Variants in KLF15 observed in about 807,000 individuals in gnomAD.
KLF15 encodes the protein KLF transcription factor 15, also known as Krueppel-like factor 15.
A neutral mutation model predicts 24.6 loss-of-function variants in KLF15; 4 were observed. That is an observed-to-expected ratio of 0.16 (90% confidence interval 0.08 to 0.37). The LOEUF is 0.37. KLF15 is among the 10% of genes least tolerant of loss of function. The pLI, the probability that KLF15 is intolerant of heterozygous loss-of-function variation, is 1.00. For missense variants in KLF15, 496 were observed against 560.6 expected (o/e 0.88, Z 1.16); for synonymous variants, 246 against 236.3 (o/e 1.04, Z -0.37).
chr3:126,302,189 G>A, the KLF15 span, among the ~76,000 whole-genome samples: 73 of 152,206 alleles, frequency 4.8e-4, no homozygotes, highest in African/African-American at 1.7e-3. Flanking sequence ...GGGATTTCCA[G>A]GTTATCTTTT....
chr3:126,310,654 C>T, the KLF15 span, among the ~76,000 whole-genome samples: 2 of 152,112 alleles, frequency 1.3e-5, no homozygotes, highest in Non-Finnish European at 2.9e-5. Flanking sequence ...TTTGTAGATG[C>T]CACCTTCTCC....
At chr3:126,340,335 G>A (rs1196716022), downstream of KLF15, among the ~76,000 whole-genome samples, 2 of 152,228 alleles carry the variant, frequency 1.3e-5, no homozygotes, top group African/African-American at 4.8e-5. Flanking sequence ...CAAATCCCAG[G>A]AGGGCAGGGC....
At chr3:126,328,061 A>G in the KLF15 span, among the ~76,000 whole-genome samples, 1 of 151,920 alleles carries the variant, frequency 6.6e-6, no homozygotes, top group Non-Finnish European at 1.5e-5. Context: ...CATATCTGTA[A>G]TCTTTTATAC....
the KLF15 span, among the ~76,000 whole-genome samples, chr3:126,309,751 C>G: frequency 9.9e-5 from 15 of 152,116 alleles, no homozygotes; most frequent in Non-Finnish European, 2.2e-4. Flanking sequence ...CCTGGTGCCT[C>G]TTGTAGCACC....
the KLF15 span, among the ~76,000 whole-genome samples, chr3:126,335,325 CAT>C: frequency 7.1e-5 from 10 of 140,156 alleles, no homozygotes; most frequent in Non-Finnish European, 1.6e-4. Flanking sequence ...ACAAAAACCA[CAT>C]GATTATCTCA....
chr3:126,346,011 C>T (rs1173115875), intron 2 of KLF15, among the ~76,000 whole-genome samples: 1 of 152,238 alleles, frequency 6.6e-6, no homozygotes, highest in Non-Finnish European at 1.5e-5. Flanking sequence ...GGTCTTGACA[C>T]AGCCCCCTGC....
chr3:126,351,978 T>G lies in KLF15; in HGVS notation c.945A>C (p.Ala315=), dbSNP rs1185768840. 6.3e-7 allele frequency: 1 copy of G among 1,596,676 alleles called. No individual in the cohort carries two copies. The highest frequency in any genetic ancestry group is 8.5e-7 in the Non-Finnish European group (1 of 1,171,588). Residue 315 remains alanine, a synonymous_variant, in exon 2 of 3, where the codon GCA becomes GCC. Coordinates refer to ENST00000296233, the MANE Select transcript of KLF15 (RefSeq NM_014079.4). ...MGQKFPKNPA[A]ELIKMHKCTF... ...TACATTTGTGCATTTTGATGAGTTCTGCGGCTGGGTTCTTGGGGAACTTCT... is the reference window on the plus strand; with the variant it reads ...TACATTTGTGCATTTTGATGAGTTCGGCGGCTGGGTTCTTGGGGAACTTCT...
chr3:126,314,865 A>G, the KLF15 span, among the ~76,000 whole-genome samples: 1 of 152,250 alleles, frequency 6.6e-6, no homozygotes, highest in Non-Finnish European at 1.5e-5. Flanking sequence ...CCCCAAGGCC[A>G]TCTTTTTATG....
chr3:126,303,162 G>GAAAGA, the KLF15 span, among the ~76,000 whole-genome samples: 1 of 151,800 alleles, frequency 6.6e-6, no homozygotes, highest in Non-Finnish European at 1.5e-5. Flanking sequence ...ATTACTTTTG[G>GAAAGA]TCCATCAATT....
the KLF15 span, among the ~76,000 whole-genome samples, chr3:126,309,782 G>A: frequency 6.6e-6 from 1 of 152,166 alleles, no homozygotes; most frequent in Admixed American, 6.5e-5. Context: ...TGTACAAGAT[G>A]ATCCTGGTGA....
chr3:126,314,964 T>C, the KLF15 span, among the ~76,000 whole-genome samples: 2 of 152,200 alleles, frequency 1.3e-5, no homozygotes, highest in African/African-American at 4.8e-5. Context: ...AGATGTCTCT[T>C]GTCTCACAGT....
chr3:126,345,570 C>CACACACAT (rs1438231730), intron 2 of KLF15, among the ~76,000 whole-genome samples: 1 of 151,578 alleles, frequency 6.6e-6, no homozygotes, highest in Non-Finnish European at 1.5e-5. Flanking sequence ...CACACACACA[C>CACACACAT]AGGCACAAAT....
intron 2 of KLF15, 112 bp from the exon 3 acceptor site, chr3:126,344,007 G>A (rs1453851093): frequency 2.6e-6 from 3 of 1,138,094 alleles, no homozygotes; most frequent in African/African-American, 1.6e-5. Flanking sequence ...CCAAAGGGTG[G>A]CTGCGCAGAC....
At chr3:126,322,813 G>C in the KLF15 span, among the ~76,000 whole-genome samples, 1 of 152,148 alleles carries the variant, frequency 6.6e-6, no homozygotes, top group Admixed American at 6.5e-5. Context: ...GATCAAGCCA[G>C]GCAAAGCCTT....
rs2082641399 is a variant in KLF15, at chr3:126,357,274, G to C, written c.-63C>G. 1 of 148,364 alleles carries C rather than the reference G, an allele frequency of 6.7e-6. No individual in the cohort carries two copies. Among genetic ancestry groups the C allele is most frequent in the Non-Finnish European group, 1.5e-5 (1 of 66,706 alleles). 9.2% of individuals were successfully genotyped at this position (148,364 alleles called of 1,614,324 possible). A position where few individuals can be genotyped will look rare whatever the true frequency, so the allele number is the denominator to read the frequency against. ...CACGCCGGACCGGCGGCCAGGCCCC[G>C]GCGGTCCTGCGGCCGGGCGGGCTGG... On this transcript the variant is annotated 5_prime_UTR_variant, in exon 1 of 3. Coordinates refer to ENST00000296233, the MANE Select transcript of KLF15 (RefSeq NM_014079.4).
chr3:126,342,966 C>G lies in KLF15; in HGVS notation c.*761G>C, dbSNP rs2082490740. The G allele has an allele frequency of 6.6e-6, 1 of 152,372 alleles. No individual in the cohort carries two copies. The highest frequency in any genetic ancestry group is 6.6e-5 in the Admixed American group (1 of 15,248). 9.4% of individuals were successfully genotyped at this position (152,372 alleles called of 1,614,324 possible). On this transcript the variant is annotated 3_prime_UTR_variant, in exon 3 of 3. Transcript: ENST00000296233. Reference sequence around the variant, plus strand: ...CCAGGACAGCCTGGCCCTCTCCTCCCAAGGCCACCCTAAAGGCTGGTGTCT... The same window carrying G: ...CCAGGACAGCCTGGCCCTCTCCTCCGAAGGCCACCCTAAAGGCTGGTGTCT...
At chr3:126,321,217 C>T in the KLF15 span, among the ~76,000 whole-genome samples, 1 of 152,234 alleles carries the variant, frequency 6.6e-6, no homozygotes, top group African/African-American at 2.4e-5. Context: ...CCAAGTCTCT[C>T]TACACCCTTT....
At chr3:126,302,096 C>G in the KLF15 span, among the ~76,000 whole-genome samples, 1 of 152,092 alleles carries the variant, frequency 6.6e-6, no homozygotes, top group South Asian at 2.1e-4. Context: ...TTATTCAGTT[C>G]AAAAACCTTT....
chr3:126,323,941 T>C, the KLF15 span, among the ~76,000 whole-genome samples: 7 of 151,492 alleles, frequency 4.6e-5, no homozygotes, highest in Non-Finnish European at 7.4e-5. Flanking sequence ...GGTGTATATG[T>C]GCAACATTTT....
Sources: allele counts gnomAD v4.1 joint callset (sites outside exome capture counted in the v4.1 genomes callset), GRCh38; gene constraint gnomAD v4.1.1; transcripts MANE v1.5; gene names NCBI Gene and HGNC (gene_info 2026-07-23, HGNC 2026-07-21).